Variants in LYPD6 observed in about 807,000 individuals in gnomAD.
LYPD6 encodes ly6/PLAUR domain-containing protein 6.
LYPD6 carries 15 observed loss-of-function variants against 22.7 expected under a neutral mutation model. The ratio of observed to expected loss-of-function variants is 0.66; its 90% CI spans 0.44 to 1.02. The LOEUF (loss-of-function observed/expected upper bound fraction) is 1.02. Ranked by LOEUF, LYPD6 falls within the 50% of genes least tolerant of loss-of-function variation. LYPD6 has a pLI of 0.00. For missense variants in LYPD6, 189 were observed against 208.4 expected (o/e 0.91, Z 0.57); for synonymous variants, 72 against 77.5 (o/e 0.93, Z 0.37).
At chr2:149,386,549 G>A (rs189027665) in intron 1 of LYPD6, among the ~76,000 whole-genome samples, 13 of 152,290 alleles carry the variant, frequency 8.5e-5, no homozygotes, top group East Asian at 1.9e-4. Flanking sequence ...CATGAGAGCC[G>A]TGCATGTAGA....
At chr2:149,346,249 T>G (rs1243214565) in intron 1 of LYPD6, among the ~76,000 whole-genome samples, 1 of 144,542 alleles carries the variant, frequency 6.9e-6, no homozygotes, top group East Asian at 2.8e-4. Flanking sequence ...TTAATGTTTG[T>G]TTTTCTATTT....
chr2:149,406,980 C>T (rs1339496640), intron 1 of LYPD6, among the ~76,000 whole-genome samples: 7 of 151,724 alleles, frequency 4.6e-5, no homozygotes, highest in Non-Finnish European at 7.4e-5. Context: ...TTTATTTCTC[C>T]TTCACTTATG....
intron 1 of LYPD6, among the ~76,000 whole-genome samples, chr2:149,423,202 T>TGAGG (rs1374108299): frequency 3.3e-5 from 5 of 152,162 alleles, no homozygotes; most frequent in African/African-American, 1.2e-4. Flanking sequence ...TCTGCCTTCC[T>TGAGG]CTTTCATCAG....
chr2:149,398,821 G>A (rs1435888110), intron 1 of LYPD6, among the ~76,000 whole-genome samples: 1 of 151,980 alleles, frequency 6.6e-6, no homozygotes, highest in Non-Finnish European at 1.5e-5. Context: ...TAGAGGAGAA[G>A]GTTTAATCCT....
chr2:149,402,374 A>G (rs1315092656), intron 1 of LYPD6, among the ~76,000 whole-genome samples: 1 of 152,128 alleles, frequency 6.6e-6, no homozygotes, highest in Non-Finnish European at 1.5e-5. Flanking sequence ...TTTTCATATA[A>G]TGACTTATTT....
chr2:149,432,138 AAC>A (rs1366537278), intron 1 of LYPD6, among the ~76,000 whole-genome samples: 1 of 152,196 alleles, frequency 6.6e-6, no homozygotes, highest in African/African-American at 2.4e-5. Flanking sequence ...GGGAAATTGA[AAC>A]ACATATATTG....
At chr2:149,432,513 C>T (rs1683339399) in intron 1 of LYPD6, among the ~76,000 whole-genome samples, 1 of 152,102 alleles carries the variant, frequency 6.6e-6, no homozygotes, top group Admixed American at 6.6e-5. Flanking sequence ...GAGGGAGTTC[C>T]TTGTGGAGTG....
downstream of LYPD6, among the ~76,000 whole-genome samples, chr2:149,478,379 T>TGTGC (rs1681474238): frequency 3.5e-4 from 18 of 51,242 alleles, no homozygotes; most frequent in African/African-American, 8.1e-4. Flanking sequence ...TATATAGAGG[T>TGTGC]GTGTGTGTGT....
At chr2:149,337,036 A>T (rs1681048420) in intron 1 of LYPD6, among the ~76,000 whole-genome samples, 1 of 152,012 alleles carries the variant, frequency 6.6e-6, no homozygotes, top group Non-Finnish European at 1.5e-5. Flanking sequence ...TCGTTTTTAC[A>T]TTCAATGGAT....
intron 1 of LYPD6, among the ~76,000 whole-genome samples, chr2:149,333,234 G>C (rs1406677707): frequency 1.3e-5 from 2 of 152,184 alleles, no homozygotes; most frequent in African/African-American, 2.4e-5. Flanking sequence ...TGGTTAGAGA[G>C]AAATCATATT....
At chr2:149,428,333 T>G (rs1478623024) in intron 1 of LYPD6, among the ~76,000 whole-genome samples, 2 of 152,148 alleles carry the variant, frequency 1.3e-5, no homozygotes, top group East Asian at 3.9e-4. Flanking sequence ...GGAGATTTAT[T>G]GGATGGATAT....
intron 3 of LYPD6, among the ~76,000 whole-genome samples, chr2:149,461,655 C>A (rs1395434084): frequency 6.6e-6 from 1 of 151,772 alleles, no homozygotes. Flanking sequence ...AAGTTCTTAA[C>A]AAAATATTGG....
intron 1 of LYPD6, among the ~76,000 whole-genome samples, chr2:149,334,007 G>A (rs1680986265): frequency 6.6e-6 from 1 of 152,046 alleles, no homozygotes; most frequent in Non-Finnish European, 1.5e-5. Flanking sequence ...TAAGAAAGTG[G>A]GAAGCATACG....
chr2:149,335,305 G>A (rs1386363134), intron 1 of LYPD6, among the ~76,000 whole-genome samples: 2 of 151,946 alleles, frequency 1.3e-5, no homozygotes, highest in Admixed American at 6.5e-5. Context: ...ATTGATGATC[G>A]TAATCCCGTA....
chr2:149,331,420 C>T (rs1370333515), intron 1 of LYPD6, among the ~76,000 whole-genome samples: 1 of 152,220 alleles, frequency 6.6e-6, no homozygotes, highest in African/African-American at 2.4e-5. Context: ...GACGGTCTGA[C>T]TCGCTCTGAC....
At position 149,410,061 on chromosome 2, in the gene LYPD6, A is replaced by G. The variant is rs540016158; in HGVS notation, c.-71-27577A>G. On this transcript the variant is annotated intron_variant, in intron 1 of 4. Coordinates refer to ENST00000334166, the MANE Select transcript of LYPD6 (RefSeq NM_194317.5). ...GAGCTGCAAGCTAGTCCTGCCTTCT[A>G]TCTGCCATCTTAATCCCCAGTTCCC... Among the ~76,000 whole-genome samples the G allele has an allele frequency of 1.6e-3, 239 of 152,272 alleles. 2 individuals carry two copies. The highest frequency in any genetic ancestry group is 5.6e-3 in the African/African-American group (231 of 41,546).
At chr2:149,362,014 A>G (rs1315199591) in intron 1 of LYPD6, among the ~76,000 whole-genome samples, 2 of 152,178 alleles carry the variant, frequency 1.3e-5, no homozygotes, top group Non-Finnish European at 2.9e-5. Flanking sequence ...GAGTGCATGT[A>G]GCCTCTGGAA....
At chr2:149,425,354 T>C (rs913724423) in intron 1 of LYPD6, among the ~76,000 whole-genome samples, 1 of 152,236 alleles carries the variant, frequency 6.6e-6, no homozygotes, top group African/African-American at 2.4e-5. Flanking sequence ...CTCAAGAATT[T>C]GAGTATTATG....
At chr2:149,424,102 TC>T (rs1447250987) in intron 1 of LYPD6, among the ~76,000 whole-genome samples, 1 of 147,578 alleles carries the variant, frequency 6.8e-6, no homozygotes, top group African/African-American at 2.6e-5. Flanking sequence ...TCTTCCAAGT[TC>T]CTGTAGCATG....
Sources: gnomAD v4.1 joint callset for allele counts (sites outside exome capture counted in the v4.1 genomes callset) on GRCh38, gnomAD v4.1.1 for gene constraint, MANE v1.5 for transcripts, NCBI Gene and HGNC (gene_info 2026-07-23, HGNC 2026-07-21) for gene names.